BNC2: variants seen among roughly 807,000 people sequenced by gnomAD.
BNC2 encodes basonuclin zinc finger protein 2, also known as zinc finger protein basonuclin-2.
Under a neutral mutation model 76.3 loss-of-function variants are expected in BNC2, and 20 were observed. The ratio of observed to expected loss-of-function variants is 0.26; its 90% CI spans 0.18 to 0.38. BNC2 has a LOEUF of 0.38. Among genes scored for constraint, BNC2 ranks in the 10% least tolerant of loss-of-function variants. BNC2 has a pLI of 1.00. For missense variants in BNC2, 1,382 were observed against 1,399.8 expected, an observed-to-expected ratio of 0.99 and a Z score of 0.20; for synonymous variants, 582 against 514.8, an observed-to-expected ratio of 1.13 and a Z score of -1.77.
At chr9:16,598,574 T>C (rs976687373) in intron 3 of BNC2, among the ~76,000 whole-genome samples, 5 of 152,220 alleles carry the variant, frequency 3.3e-5, no homozygotes, top group Admixed American at 1.3e-4. Flanking sequence ...AAGAGACGTT[T>C]TGGATACACT....
chr9:16,515,457 C>G (rs1016792313), intron 5 of BNC2, among the ~76,000 whole-genome samples: 3 of 152,136 alleles, frequency 2.0e-5, no homozygotes, highest in African/African-American at 4.8e-5. Context: ...ACCAAAGCCT[C>G]CCTCACCCTC....
chr9:16,563,885 T>C (rs1445210634), intron 4 of BNC2, among the ~76,000 whole-genome samples: 2 of 152,226 alleles, frequency 1.3e-5, no homozygotes, highest in East Asian at 1.9e-4. Context: ...AAACCCACTT[T>C]ATGTTTAACA....
chr9:16,435,040 A>C (rs1439882141), intron 6 of BNC2: 1 of 471,444 alleles, frequency 2.1e-6, no homozygotes, highest in Non-Finnish European at 4.4e-6. Context: ...ATACCTACGG[A>C]GATGCAGGCT....
chr9:16,788,524 C>CGG (rs1826372623), intron 1 of BNC2, among the ~76,000 whole-genome samples: 1 of 149,678 alleles, frequency 6.7e-6, no homozygotes, highest in Non-Finnish European at 1.5e-5. Flanking sequence ...CTGCACTCCA[C>CGG]CCTGGGCGAC....
intron 3 of BNC2, among the ~76,000 whole-genome samples, chr9:16,663,623 G>A (rs1176965489): frequency 2.0e-5 from 3 of 152,044 alleles, no homozygotes; most frequent in Admixed American, 6.6e-5. Flanking sequence ...TTCTGTAACT[G>A]CATTCCGGTG....
At position 16,414,884 on chromosome 9, in the gene BNC2, G is replaced by A. The variant is rs1370584699; in HGVS notation, c.*4105C>T. The A allele has an allele frequency of 6.6e-6, 1 of 151,720 alleles. No individual in the cohort carries two copies. Among genetic ancestry groups the A allele is most frequent in the Non-Finnish European group, 1.5e-5 (1 of 67,960 alleles). 9.4% of individuals were successfully genotyped at this position (151,720 alleles called of 1,614,324 possible). ...AGTGCATAGTTTCTCCTGAGGAGAAGCCTCTGGAATAGCCCATTCTTGATA... is the reference window on the plus strand; with the variant it reads ...AGTGCATAGTTTCTCCTGAGGAGAAACCTCTGGAATAGCCCATTCTTGATA... On this transcript the variant is annotated 3_prime_UTR_variant, in exon 7 of 7. Coordinates refer to ENST00000380672, the MANE Select transcript of BNC2 (RefSeq NM_017637.6).
At chr9:16,776,998 C>T (rs1825986419) in intron 1 of BNC2, among the ~76,000 whole-genome samples, 1 of 151,976 alleles carries the variant, frequency 6.6e-6, no homozygotes, top group African/African-American at 2.4e-5. Context: ...TGGTGGCACA[C>T]GCCTGTAATC....
At chr9:16,484,312 G>T (rs115517682) in intron 5 of BNC2, among the ~76,000 whole-genome samples, 1 of 152,168 alleles carries the variant, frequency 6.6e-6, no homozygotes, top group Non-Finnish European at 1.5e-5. Context: ...ACTGGAAAAT[G>T]TACAGCCAGA....
intron 5 of BNC2, among the ~76,000 whole-genome samples, chr9:16,548,010 C>T (rs1818540931): frequency 6.6e-6 from 1 of 152,094 alleles, no homozygotes; most frequent in African/African-American, 2.4e-5. Flanking sequence ...TCTAATGTAC[C>T]AATTGTGCTG....
At chr9:16,672,636 T>C (rs972011311) in intron 3 of BNC2, among the ~76,000 whole-genome samples, 6 of 152,206 alleles carry the variant, frequency 3.9e-5, no homozygotes, top group African/African-American at 9.6e-5. Context: ...TAAAAGAACA[T>C]TGTTCTAAAT....
At chr9:16,839,820 T>A (rs1818786466) in intron 1 of BNC2, among the ~76,000 whole-genome samples, 1 of 152,364 alleles carries the variant, frequency 6.6e-6, no homozygotes, top group Non-Finnish European at 1.5e-5. Flanking sequence ...TTTTTACAAA[T>A]GATTAGTCAA....
At chr9:16,820,336 G>C (rs1351648115) in intron 1 of BNC2, among the ~76,000 whole-genome samples, 1 of 151,834 alleles carries the variant, frequency 6.6e-6, no homozygotes, top group African/African-American at 2.4e-5. Flanking sequence ...TGAGGCAGAA[G>C]AATCTCTTGA....
chr9:16,517,831 T>TC (rs1448295020), intron 5 of BNC2, among the ~76,000 whole-genome samples: 6 of 152,088 alleles, frequency 3.9e-5, no homozygotes, highest in African/African-American at 7.2e-5. Flanking sequence ...GGTGGACAAG[T>TC]CATAGGGTCC....
At chr9:16,679,996 TA>T (rs1184531198) in intron 3 of BNC2, among the ~76,000 whole-genome samples, 9 of 152,210 alleles carry the variant, frequency 5.9e-5, no homozygotes, top group Non-Finnish European at 1.3e-4. Flanking sequence ...TTGTTTCGCA[TA>T]GGGGGAGTGT....
chr9:16,545,270 T>C (rs1426266240), intron 5 of BNC2, among the ~76,000 whole-genome samples: 1 of 152,194 alleles, frequency 6.6e-6, no homozygotes, highest in Non-Finnish European at 1.5e-5. Context: ...GAAACAAAGT[T>C]CTAAAATCAT....
At chr9:16,846,057 G>A (rs373899900) in intron 1 of BNC2, among the ~76,000 whole-genome samples, 52 of 151,638 alleles carry the variant, frequency 3.4e-4, no homozygotes, top group African/African-American at 1.0e-3. Context: ...GGAGAATGGC[G>A]TGAACCCAGG....
rs149479633 is a variant in BNC2 at position 16,503,345 on chromosome 9, T to C, written c.669+49185A>G. 2.6e-3 allele frequency among the ~76,000 whole-genome samples: 392 copies of C among 152,280 alleles called. 5 individuals are homozygous for C. The highest frequency in any genetic ancestry group is 0.022 in the Admixed American group (329 of 15,290). ...CAAGCTCCAAACACTATACCACGGATGTGCAGAAGGAGACAAATTAACAAT... is the reference window on the plus strand; with the variant it reads ...CAAGCTCCAAACACTATACCACGGACGTGCAGAAGGAGACAAATTAACAAT... On this transcript the variant is annotated intron_variant, in intron 5 of 6. Coordinates refer to ENST00000380672, the MANE Select transcript of BNC2 (RefSeq NM_017637.6).
chr9:16,659,807 C>T (rs928654562), intron 3 of BNC2, among the ~76,000 whole-genome samples: 1 of 152,128 alleles, frequency 6.6e-6, no homozygotes, highest in Non-Finnish European at 1.5e-5. Flanking sequence ...TCTCTAGCCT[C>T]ACTTCCCATC....
intron 3 of BNC2, among the ~76,000 whole-genome samples, chr9:16,686,865 C>T (rs1822993247): frequency 6.6e-6 from 1 of 152,182 alleles, no homozygotes; most frequent in South Asian, 2.1e-4. Context: ...TTCTCTCATT[C>T]TTTTCAAGTC....
Sources: allele counts gnomAD v4.1 joint callset (sites outside exome capture counted in the v4.1 genomes callset), GRCh38; gene constraint gnomAD v4.1.1; transcripts MANE v1.5; gene names NCBI Gene and HGNC (gene_info 2026-07-23, HGNC 2026-07-21).